Variants in CARD6 observed in about 807,000 individuals in gnomAD.
The protein encoded by CARD6 is caspase recruitment domain-containing protein 6.
Under a neutral mutation model 23.6 loss-of-function variants are expected in CARD6, and 27 were observed. That is an observed-to-expected ratio of 1.14 (90% confidence interval 0.84 to 1.58). The LOEUF (loss-of-function observed/expected upper bound fraction) is 1.58, where lower values mean the gene tolerates loss of function less well. Among genes scored for constraint, CARD6 ranks in the 40% most tolerant of loss-of-function variants. The pLI, the probability that CARD6 is intolerant of heterozygous loss-of-function variation, is 0.00. For missense variants in CARD6, 1,214 were observed against 1,209.9 expected, an observed-to-expected ratio of 1.00 and a Z score of -0.05; for synonymous variants, 397 against 431.8, an observed-to-expected ratio of 0.92 and a Z score of 1.00.
chr5:40,853,137 T>G lies in CARD6; in HGVS notation c.1805T>G (p.Leu602Trp), dbSNP rs1301751869. 6.2e-7 allele frequency: 1 copy of G among 1,614,058 alleles called. No individual in the cohort carries two copies. The highest frequency in any genetic ancestry group is 8.5e-7 in the Non-Finnish European group (1 of 1,180,020). The change falls in exon 3 of 3, where the codon TTG (leucine) becomes TGG (tryptophan). Residue 602 changes from leucine (L) to tryptophan (W), a missense_variant. Physicochemically the swap from Leu to Trp is moderately conservative, Grantham distance 61 (BLOSUM62 -2). Transcript: ENST00000254691. ...EAQIFQRILN[L>W]KPAQLLFWER... is the part of the protein sequence containing the mutation. ...CAAATTTTTCAGAGGATACTGAACT[T>G]GAAGCCAGCACAGCTACTGTTTTGG...
intron 2 of CARD6, among the ~76,000 whole-genome samples, chr5:40,845,498 C>G (rs1194780155): frequency 1.3e-5 from 2 of 152,052 alleles, no homozygotes; most frequent in Non-Finnish European, 2.9e-5. Context: ...GCCTCTTGCC[C>G]CACCCCCAAA....
intron 2 of CARD6, among the ~76,000 whole-genome samples, chr5:40,849,979 CA>C (rs202066147): frequency 0.081 from 11,155 of 137,332 alleles, 517 homozygotes; most frequent in Non-Finnish European, 0.11. Context: ...GACCCTGTCT[CA>C]AAAAAAAAAA....
chr5:40,845,778 G>A (rs919345485), intron 2 of CARD6, among the ~76,000 whole-genome samples: 27 of 151,928 alleles, frequency 1.8e-4, no homozygotes, highest in Non-Finnish European at 8.8e-5. Flanking sequence ...GTTTCACCAC[G>A]TTGCCCAGGC....
intron 2 of CARD6, among the ~76,000 whole-genome samples, chr5:40,845,025 G>A (rs28718806): frequency 0.11 from 16,310 of 151,926 alleles, 1,209 homozygotes; most frequent in East Asian, 0.34. Context: ...GTGCCACCAC[G>A]CCTGGCTAAT....
In CARD6 at chr5:40,854,163, C is replaced by G. The variant is rs748727449; in HGVS notation, c.2831C>G (p.Ser944Cys). The G allele has an allele frequency of 7.4e-6, 12 of 1,614,092 alleles. No individual in the cohort carries two copies. The African/African-American group carries it at 1.6e-4, about 22-fold the overall frequency. ...ATGTGCAAGAGCTCTCAGTTCAAAT[C>G]CGATCAGTCCAACCCATCCACAGTC... The part of the protein sequence containing the change: ...HPMCKSSQFK[S>C]DQSNPSTVKH... Residue 944 changes from serine (S) to cysteine (C), a missense_variant, in exon 3 of 3, where the codon TCC (serine) becomes TGC (cysteine). Transcript: ENST00000254691.
At chr5:40,849,291 C>T (rs1746018654) in intron 2 of CARD6, among the ~76,000 whole-genome samples, 1 of 152,094 alleles carries the variant, frequency 6.6e-6, no homozygotes, top group Non-Finnish European at 1.5e-5. Flanking sequence ...GCCACTGCAC[C>T]CAGCCATGGG....
chr5:40,851,767 G>A (rs1296218541), intron 2 of CARD6, among the ~76,000 whole-genome samples: 1 of 152,148 alleles, frequency 6.6e-6, no homozygotes, highest in Admixed American at 6.5e-5. Context: ...AGTGAGCTGA[G>A]ATGGCTCCAT....
chr5:40,846,305 G>A (rs1411469095), intron 2 of CARD6, among the ~76,000 whole-genome samples: 1 of 151,968 alleles, frequency 6.6e-6, no homozygotes, highest in East Asian at 1.9e-4. Context: ...GAGCCACCGC[G>A]CCTGGCCAAG....
intron 2 of CARD6, among the ~76,000 whole-genome samples, chr5:40,851,390 T>G (rs527322219): frequency 1.3e-5 from 2 of 152,254 alleles, no homozygotes; most frequent in East Asian, 3.9e-4. Flanking sequence ...CATGCATACT[T>G]AAGTACTTGC....
intron 2 of CARD6, among the ~76,000 whole-genome samples, chr5:40,848,590 C>A (rs563251852): frequency 6.6e-6 from 1 of 152,186 alleles, no homozygotes; most frequent in South Asian, 2.1e-4. Flanking sequence ...AGTTACATTT[C>A]TTGTTTCTTC....
intron 2 of CARD6, 54 bp from the exon 3 acceptor site, chr5:40,852,117 CGAT>C (rs1207861544): frequency 8.8e-7 from 1 of 1,139,886 alleles, no homozygotes; most frequent in Admixed American, 2.2e-5. Flanking sequence ...AAAAAGAAGT[CGAT>C]GGGGAAAATT....
intron 2 of CARD6, among the ~76,000 whole-genome samples, chr5:40,849,338 C>A (rs1363063261): frequency 1.3e-5 from 2 of 152,066 alleles, no homozygotes; most frequent in African/African-American, 4.8e-5. Context: ...GAATTGCTTT[C>A]CTAAGGCAAA....
Position 40,852,366 on chromosome 5 carries a change from T to C in CARD6, c.1034T>C (p.Leu345Pro). The C allele has an allele frequency of 6.2e-7, 1 of 1,614,098 alleles. No homozygotes were observed. Among genetic ancestry groups the C allele is most frequent in the Non-Finnish European group, 8.5e-7 (1 of 1,180,018 alleles). The change falls in exon 3 of 3, where the codon CTC (leucine) becomes CCC (proline). Residue 345 changes from leucine to proline, a missense_variant. Physicochemically the swap from Leu to Pro is moderately conservative, Grantham distance 98. Coordinates refer to ENST00000254691, the MANE Select transcript of CARD6 (RefSeq NM_032587.4). ...GATGTGACGGCTAGGGATTCAATCCTCAGTCACAAGGTTCTGGATGAAGAT... is the reference window on the plus strand; with the variant it reads ...GATGTGACGGCTAGGGATTCAATCCCCAGTCACAAGGTTCTGGATGAAGAT... ...ARDVTARDSILSHKVLDEDSK... is the reference protein window; with the variant it reads ...ARDVTARDSIPSHKVLDEDSK...
In CARD6 at chr5:40,843,670, A is replaced by G; in HGVS notation, c.802A>G (p.Ser268Gly). Residue 268 changes from serine to glycine, a missense_variant, in exon 2 of 3, where the codon AGC becomes GGC. Coordinates refer to ENST00000254691, the MANE Select transcript of CARD6 (RefSeq NM_032587.4). ...ACCAAGTTATGAGGGATCAGAAACCAGCCTTTCATTGGAGGAGGAACAGGA... is the reference window on the plus strand; with the variant it reads ...ACCAAGTTATGAGGGATCAGAAACCGGCCTTTCATTGGAGGAGGAACAGGA... ...EEPSYEGSET[S>G]LSLEEEQEKS... 6.4e-7 allele frequency: 1 copy of G among 1,559,304 alleles called. No individual in the cohort carries two copies. Among genetic ancestry groups the G allele is most frequent in the Non-Finnish European group, 8.6e-7 (1 of 1,161,578 alleles).
chr5:40,850,350 G>A (rs1746041155), intron 2 of CARD6, among the ~76,000 whole-genome samples: 1 of 135,684 alleles, frequency 7.4e-6, no homozygotes, highest in Non-Finnish European at 1.5e-5. Context: ...GGAGGTGGAG[G>A]TTTCAGTGAG....
chr5:40,843,746 C>T, intron 2 of CARD6, 37 bp downstream of exon 2: 1 of 1,362,524 alleles, frequency 7.3e-7, no homozygotes, highest in South Asian at 1.7e-5. Context: ...TAGGCAACAA[C>T]TTAATAAGTT....
At chr5:40,848,755 C>T (rs1746008465) in intron 2 of CARD6, among the ~76,000 whole-genome samples, 1 of 151,912 alleles carries the variant, frequency 6.6e-6, no homozygotes, top group Non-Finnish European at 1.5e-5. Context: ...AATTTAGACT[C>T]CTTTTCCATG....
At chr5:40,848,236 G>A (rs1194595800) in intron 2 of CARD6, among the ~76,000 whole-genome samples, 1 of 138,352 alleles carries the variant, frequency 7.2e-6, no homozygotes, top group Non-Finnish European at 1.5e-5. Context: ...TTGAGACAGA[G>A]TCTTACTCTG....
chr5:40,851,235 C>G (rs1746060479), intron 2 of CARD6, among the ~76,000 whole-genome samples: 1 of 151,616 alleles, frequency 6.6e-6, no homozygotes, highest in South Asian at 2.1e-4. Context: ...GAGGCTGAGG[C>G]TGGGAGAATT....
Sources: gnomAD v4.1 joint callset for allele counts (sites outside exome capture counted in the v4.1 genomes callset) on GRCh38, gnomAD v4.1.1 for gene constraint, MANE v1.5 for transcripts, NCBI Gene and HGNC (gene_info 2026-07-23, HGNC 2026-07-21) for gene names.